The following PCDHGA1 variants were observed in gnomAD, a reference collection of about 807,000 sequenced individuals.
PCDHGA1 encodes the protein protocadherin gamma-A1.
PCDHGA1 carries 32 observed loss-of-function variants against 58.0 expected under a neutral mutation model. The observed-to-expected ratio is 0.55, with a 90% CI of 0.42 to 0.74. The LOEUF is 0.74. Ranked by LOEUF, PCDHGA1 falls within the 30% of genes least tolerant of loss-of-function variation. PCDHGA1 has a pLI of 0.00. For synonymous variants in PCDHGA1, 498 were observed against 501.1 expected (o/e 0.99, Z 0.08); for missense variants, 1,205 against 1,182.3 (o/e 1.02, Z -0.28).
chr5:141,398,888 A>G (rs2093720509), intron 1 of PCDHGA1: 2 of 1,613,968 alleles, frequency 1.2e-6, no homozygotes, highest in East Asian at 4.5e-5. Context: ...CTTCGGGAAA[A>G]CGTGCCACCA....
chr5:141,388,521 ACTGC>A, intron 1 of PCDHGA1: 1 of 1,613,840 alleles, frequency 6.2e-7, no homozygotes, highest in Non-Finnish European at 8.5e-7. Context: ...CTTGACTTTG[ACTGC>A]CTTGGACTTT....
rs769788897 is a variant in PCDHGA1 at position 141,331,678 on chromosome 5, A to C, written c.994A>C (p.Lys332Gln). Residue 332 changes from lysine (K) to glutamine (Q), a missense_variant, in exon 1 of 4, where the codon AAG (lysine) becomes CAG (glutamine). By Grantham distance (53) the Lys-to-Gln change is moderately conservative. Transcript: ENST00000517417. ...QDGAGLMAKV[K>Q]VLIKVLDVND... ...TGGTGCGGGGCTCATGGCTAAAGTT[A>C]AGGTACTGATCAAAGTTTTGGATGT... The C allele has an allele frequency of 6.2e-7, 1 of 1,614,056 alleles. No individual in the cohort carries two copies. The highest frequency in any genetic ancestry group is 1.1e-5 in the South Asian group (1 of 91,076).
At chr5:141,500,488 C>T (rs569168291) in intron 2 of PCDHGA1, among the ~76,000 whole-genome samples, 4 of 152,178 alleles carry the variant, frequency 2.6e-5, no homozygotes, top group South Asian at 2.1e-4. Flanking sequence ...GGATTACAGG[C>T]GTGAGCCACC....
intron 1 of PCDHGA1, chr5:141,390,025 G>GA (rs2092024046): frequency 1.2e-6 from 2 of 1,613,882 alleles, no homozygotes; most frequent in Non-Finnish European, 1.7e-6. Context: ...TTGCGCCTGC[G>GA]ACGCTCCTCC....
intron 1 of PCDHGA1, chr5:141,398,937 C>G: frequency 6.2e-7 from 1 of 1,613,902 alleles, no homozygotes; most frequent in Non-Finnish European, 8.5e-7. Context: ...CTGACCAAGA[C>G]GAGGGCATCA....
Position 141,399,482 on chromosome 5 carries a change from C to T in PCDHGA1, c.2421+66377C>T, listed in dbSNP as rs559370708. 8.1e-6 allele frequency: 13 copies of T among 1,613,934 alleles called. No individual in the cohort carries two copies. In the South Asian group the frequency reaches 1.3e-4, roughly 16 times the overall value. ...AACGCTCCGGTTTTCCACCAGGCGT[C>T]CTACTTAGTCAGTGTACCCGAAAAC... On this transcript the variant is annotated intron_variant, in intron 1 of 3. Coordinates refer to ENST00000517417, the MANE Select transcript of PCDHGA1 (RefSeq NM_018912.3).
intron 1 of PCDHGA1, chr5:141,338,781 C>T (rs1269695414): frequency 7.7e-7 from 1 of 1,300,382 alleles, no homozygotes; most frequent in African/African-American, 1.5e-5. Flanking sequence ...ACGGCTCCCA[C>T]AGCACAAGGG....
At chr5:141,478,788 T>A (rs576491824) in intron 1 of PCDHGA1, 147 of 1,473,736 alleles carry the variant, frequency 1.0e-4, no homozygotes, top group Non-Finnish European at 1.3e-4. Context: ...CTAATTCACA[T>A]CCTCAGCACT....
At chr5:141,444,834 A>G (rs892892307) in intron 1 of PCDHGA1, among the ~76,000 whole-genome samples, 1 of 152,132 alleles carries the variant, frequency 6.6e-6, no homozygotes, top group African/African-American at 2.4e-5. Context: ...TTGTAGCTTT[A>G]TAGTAAGTCT....
chr5:141,398,587 C>T, intron 1 of PCDHGA1: 5 of 1,613,860 alleles, frequency 3.1e-6, no homozygotes, highest in Non-Finnish European at 3.4e-6. Context: ...AAGATTTATA[C>T]TAGAAGTAGC....
At chr5:141,423,591 A>G in intron 1 of PCDHGA1, 1 of 1,613,312 alleles carries the variant, frequency 6.2e-7, no homozygotes, top group South Asian at 1.1e-5. Context: ...GCTGTGAGAA[A>G]AGCGAGCCAC....
In PCDHGA1 at chr5:141,413,412, C is replaced by T. The variant is rs747352426; in HGVS notation, c.2421+80307C>T. ...TCTCCAGAGGTAGGACGCAGCTTTT[C>T]TCTCTGAACCCGCGCAGCGGCAGCT... On this transcript the variant is annotated intron_variant, in intron 1 of 3. Transcript: ENST00000517417. 5.6e-6 allele frequency: 9 copies of T among 1,613,954 alleles called. No individual in the cohort carries two copies. The African/African-American group carries it at 1.2e-4, about 22-fold the overall frequency.
At chr5:141,344,283 T>C (rs1757395793) in intron 1 of PCDHGA1, 2 of 1,613,966 alleles carry the variant, frequency 1.2e-6, no homozygotes, top group East Asian at 2.2e-5. Context: ...AAGCGGCAGC[T>C]TGGTCACCGC....
At chr5:141,366,907 A>G (rs2149901228) in intron 1 of PCDHGA1, 2 of 1,144,648 alleles carry the variant, frequency 1.7e-6, no homozygotes, top group South Asian at 3.3e-5. Context: ...TGCTTTCTCC[A>G]TTTGTTTTCA....
chr5:141,394,007 A>G lies in PCDHGA1; in HGVS notation c.2421+60902A>G, dbSNP rs1230558462. The G allele has an allele frequency of 3.7e-6, 6 of 1,613,344 alleles. No homozygotes were observed. The East Asian group carries it at 1.3e-4, about 36-fold the overall frequency. Reference sequence around the variant, plus strand: ...TACCTTTTAAATTAGAAAAGTCAATAGGTAATTATTATAGATTAGTGACAA... The same window carrying G: ...TACCTTTTAAATTAGAAAAGTCAATGGGTAATTATTATAGATTAGTGACAA... On this transcript the variant is annotated intron_variant, in intron 1 of 3. Coordinates refer to ENST00000517417, the MANE Select transcript of PCDHGA1 (RefSeq NM_018912.3).
chr5:141,463,467 G>A (rs200270457), intron 1 of PCDHGA1, among the ~76,000 whole-genome samples: 2,116 of 11,250 alleles, frequency 0.19, 39 homozygotes, highest in East Asian at 0.24. Context: ...TTTTTTTTTT[G>A]AGATGGAGTC....
chr5:141,420,075 G>A (rs893749179), intron 1 of PCDHGA1: 17 of 1,613,944 alleles, frequency 1.1e-5, no homozygotes, highest in Admixed American at 6.7e-5. Context: ...GGACCTGTGG[G>A]TCCCCCCAAC....
In PCDHGA1 at chr5:141,389,323, G is replaced by T. The variant is rs1230521211; in HGVS notation, c.2421+56218G>T. 26 of 1,613,980 alleles carry T rather than the reference G, an allele frequency of 1.6e-5. No individual in the cohort carries two copies. Among genetic ancestry groups the T allele is most frequent in the Non-Finnish European group, 1.8e-5 (21 of 1,179,896 alleles). ...GTCAGGGCTTCTGATCCGGACTTGG[G>T]GCCCAACGGCCAAGTCTCTTACTGC... On this transcript the variant is annotated intron_variant, in intron 1 of 3. Transcript: ENST00000517417.
chr5:141,410,847 G>GTATTTTTTT, intron 1 of PCDHGA1: 1 of 158,252 alleles, frequency 6.3e-6, no homozygotes, highest in African/African-American at 8.4e-5. Context: ...TTTTGTCTTT[G>GTATTTTTTT]TCTTTTTTTT....
Sources: allele counts gnomAD v4.1 joint callset (sites outside exome capture counted in the v4.1 genomes callset), GRCh38; gene constraint gnomAD v4.1.1; transcripts MANE v1.5; gene names NCBI Gene and HGNC (gene_info 2026-07-23, HGNC 2026-07-21).